ZNF536: variants seen among roughly 807,000 people sequenced by gnomAD.
ZNF536 encodes zinc finger protein 536.
A neutral mutation model predicts 84.5 loss-of-function variants in ZNF536; 13 were observed. The ratio of observed to expected loss-of-function variants is 0.15; its 90% CI spans 0.10 to 0.24. The LOEUF (loss-of-function observed/expected upper bound fraction) is 0.24. ZNF536 is among the 10% of genes least tolerant of loss of function. The pLI, the probability that ZNF536 is intolerant of heterozygous loss-of-function variation, is 1.00. For missense variants in ZNF536, 1,536 were observed against 1,747.5 expected, an observed-to-expected ratio of 0.88 and a Z score of 2.16; for synonymous variants, 811 against 742.5, an observed-to-expected ratio of 1.09 and a Z score of -1.50.
At chr19:30,228,481 C>G (rs1169067066), upstream of ZNF536, 1 of 152,184 alleles carries the variant, frequency 6.6e-6, no homozygotes, top group Non-Finnish European at 1.5e-5. This position sits in a 1 kb window ranked among gnomAD's most constrained non-coding sequence, Gnocchi z 4.5. Flanking sequence ...GACGCGCCCC[C>G]ATAAATCTGC....
rs2146221114 is a variant in ZNF536, at chr19:30,548,836, G to C, written c.3217G>C (p.Asp1073His). 6.2e-7 allele frequency: 1 copy of C among 1,614,100 alleles called. No individual in the cohort carries two copies. The change falls in exon 4 of 5, where the codon GAC becomes CAC. Residue 1073 changes from aspartate to histidine, a missense_variant. Physicochemically the swap from Asp to His is moderately conservative, Grantham distance 81. Around this residue, in one of 8 missense-constraint regions of ZNF536, gnomAD observed 624 missense variants for 603.1 expected, o/e 1.03. Coordinates refer to ENST00000355537, the MANE Select transcript of ZNF536 (RefSeq NM_014717.3). Reference sequence around the variant, plus strand: ...CCTCTCCAATATGATCAGCTCTCTAGACTCTGCTTCTGAGAAGATGGCCCA... The same window carrying C: ...CCTCTCCAATATGATCAGCTCTCTACACTCTGCTTCTGAGAAGATGGCCCA... ...LGLSNMISSL[D>H]SASEKMAQGQ...
At chr19:30,313,767 A>G (rs1330435044) in intron 2 of ZNF536, among the ~76,000 whole-genome samples, 1 of 152,144 alleles carries the variant, frequency 6.6e-6, no homozygotes. Flanking sequence ...TGGCATCCTG[A>G]GTACAGGTGG....
chr19:30,644,674 T>C (rs945504794), intron 1 of ZNF536, among the ~76,000 whole-genome samples: 5 of 152,232 alleles, frequency 3.3e-5, no homozygotes, highest in African/African-American at 1.2e-4. Flanking sequence ...GCTTCATCCA[T>C]GTCCCTACAA....
chr19:30,473,947 T>C (rs758392431), intron 2 of ZNF536, among the ~76,000 whole-genome samples: 2 of 152,212 alleles, frequency 1.3e-5, no homozygotes, highest in Non-Finnish European at 2.9e-5. Context: ...ATGTGCTGTC[T>C]GTACAATGGG....
rs376621622 is a variant in ZNF536, at chr19:30,534,839, C to T, written c.2171-8C>T. 2.6e-5 allele frequency: 42 copies of T among 1,606,820 alleles called. No individual in the cohort carries two copies. The highest frequency in any genetic ancestry group is 3.0e-5 in the Non-Finnish European group (35 of 1,175,812). ...AAGTGATGTGAGAACGTTTCTCCTT[C>T]GCTGCAGACATTGGCGAGGAGGCTG... is the stretch of plus-strand genomic sequence containing the variant. On this transcript the variant is annotated splice_region_variant and splice_polypyrimidine_tract_variant and intron_variant, in intron 2 of 4. Transcript: ENST00000355537.
intron 1 of ZNF536, among the ~76,000 whole-genome samples, chr19:30,239,873 C>T (rs780437239): frequency 9.9e-5 from 15 of 152,138 alleles, no homozygotes; most frequent in Non-Finnish European, 1.5e-4. Flanking sequence ...CCAAAAAGAG[C>T]GCACACCACG....
At chr19:30,606,621 T>A (rs1315638965) in intron 1 of ZNF536, among the ~76,000 whole-genome samples, 1 of 152,176 alleles carries the variant, frequency 6.6e-6, no homozygotes, top group Non-Finnish European at 1.5e-5. Flanking sequence ...GTGACCACAG[T>A]TCCATCATGA....
intron 1 of ZNF536, among the ~76,000 whole-genome samples, chr19:30,428,945 A>G (rs189169507): frequency 6.6e-6 from 1 of 152,280 alleles, no homozygotes; most frequent in African/African-American, 2.4e-5. Flanking sequence ...AGGGGGATAG[A>G]GAGAGGGGCT....
intron 2 of ZNF536, among the ~76,000 whole-genome samples, chr19:30,330,740 A>C (rs1419422391): frequency 6.6e-6 from 1 of 152,204 alleles, no homozygotes; most frequent in Non-Finnish European, 1.5e-5. Flanking sequence ...GAATGGAAGC[A>C]GGTGGCCAGG....
intron 4 of ZNF536, 34 bp from the exon 5 acceptor site, chr19:30,557,123 G>A (rs2146370001): frequency 6.2e-7 from 1 of 1,612,902 alleles, no homozygotes; most frequent in Non-Finnish European, 8.5e-7. Flanking sequence ...GATGGTTTCT[G>A]GATTATTTAA....
chr19:30,298,320 C>G (rs1180391385), intron 2 of ZNF536, among the ~76,000 whole-genome samples: 2 of 152,144 alleles, frequency 1.3e-5, no homozygotes, highest in Admixed American at 6.5e-5. Context: ...TGCAACTGGA[C>G]CATAGGAGGT....
chr19:30,256,544 G>A (rs1430149390), intron 1 of ZNF536, among the ~76,000 whole-genome samples: 1 of 152,174 alleles, frequency 6.6e-6, no homozygotes, highest in African/African-American at 2.4e-5. Context: ...AAATAGAATA[G>A]GGGCTTAACT....
rs566609807 is a variant in ZNF536 at position 30,228,979 on chromosome 19, T to C, written c.-190+306T>C. Among the ~76,000 whole-genome samples the C allele has an allele frequency of 6.0e-4, 87 of 144,162 alleles. No individual in the cohort carries two copies. Among genetic ancestry groups the C allele is most frequent in the South Asian group, 1.6e-3 (7 of 4,332 alleles). 94.6% of individuals were successfully genotyped at this position (144,162 alleles called of 152,430 possible). A position where few individuals can be genotyped will look rare whatever the true frequency, so the allele number is the denominator to read the frequency against. Reference sequence around the variant, plus strand: ...GTCGCAGTTGGGCATCTTGCCTGGGTCGGGGGCGGGCAGTCGGTCCCAGTG... The same window carrying C: ...GTCGCAGTTGGGCATCTTGCCTGGGCCGGGGGCGGGCAGTCGGTCCCAGTG... On this transcript the variant is annotated intron_variant, in intron 1 of 5. Transcript: ENST00000585628. This position sits in a 1 kb window ranked among gnomAD's most constrained non-coding sequence, Gnocchi z 4.5.
intron 1 of ZNF536, among the ~76,000 whole-genome samples, chr19:30,607,218 G>A (rs992767423): frequency 6.6e-6 from 1 of 152,170 alleles, no homozygotes; most frequent in Non-Finnish European, 1.5e-5. Flanking sequence ...TTATGGCTGA[G>A]TGTGGCTGTA....
At chr19:30,588,075 C>CGTGGCTT (rs1253353815) in intron 1 of ZNF536, among the ~76,000 whole-genome samples, 1 of 152,242 alleles carries the variant, frequency 6.6e-6, no homozygotes, top group Non-Finnish European at 1.5e-5. Context: ...CAGAGCAACA[C>CGTGGCTT]GTGGCTTCCC....
chr19:30,343,212 T>G (rs1248946611), intron 2 of ZNF536, among the ~76,000 whole-genome samples: 1 of 152,222 alleles, frequency 6.6e-6, no homozygotes, highest in Non-Finnish European at 1.5e-5. Flanking sequence ...AAAAAGGGCT[T>G]GCAAGTTTGA....
intron 1 of ZNF536, among the ~76,000 whole-genome samples, chr19:30,690,549 G>A (rs538962029): frequency 3.3e-5 from 5 of 152,236 alleles, no homozygotes; most frequent in East Asian, 1.9e-4. Flanking sequence ...TAATCATCAC[G>A]AACAGCTTTC....
rs201688634 is a variant in ZNF536, at chr19:30,549,270, C to A, written c.3651C>A (p.Pro1217=). The stretch of plus-strand genomic sequence containing the variant: ...TGCAGCCCACAGGCACCTCCCAGCC[C>A]GTCCAGGGACTGGTCTCACCTTTAT... ...DSLQPTGTSQ[P]VQGLVSPLSQ... The change falls in exon 4 of 5, where the codon CCC becomes CCA. Residue 1217 remains proline, a synonymous_variant. Transcript: ENST00000355537. 2 of 1,613,880 alleles carry A rather than the reference C, an allele frequency of 1.2e-6. No homozygotes were observed. Among genetic ancestry groups the A allele is most frequent in the Non-Finnish European group, 1.7e-6 (2 of 1,180,036 alleles).
intron 2 of ZNF536, among the ~76,000 whole-genome samples, chr19:30,525,789 CAG>C (rs2044548776): frequency 6.6e-6 from 1 of 152,068 alleles, no homozygotes; most frequent in Non-Finnish European, 1.5e-5. Context: ...GACGTAGCCT[CAG>C]AGGAGAACAG....
Sources: allele counts gnomAD v4.1 joint callset (sites outside exome capture counted in the v4.1 genomes callset), GRCh38; gene constraint gnomAD v4.1.1; regional missense constraint gnomAD v4.1.1; non-coding constraint Gnocchi (gnomAD v3.1); transcripts MANE v1.5; gene names NCBI Gene and HGNC (gene_info 2026-07-23, HGNC 2026-07-21).